TMEM91: variants seen among roughly 807,000 people sequenced by gnomAD.
The protein encoded by TMEM91 is transmembrane protein 91, also known as dispanin subfamily C member 3.
Under a neutral mutation model 13.3 loss-of-function variants are expected in TMEM91, and 6 were observed. The ratio of observed to expected loss-of-function variants is 0.45; its 90% CI spans 0.25 to 0.89. The LOEUF (loss-of-function observed/expected upper bound fraction) is 0.89. Ranked by LOEUF, TMEM91 falls within the 40% of genes least tolerant of loss-of-function variation. The probability of loss-of-function intolerance (pLI) is 0.19; values close to 1 mark genes in which losing one functional copy is unlikely to be tolerated. For missense variants in TMEM91, 193 were observed against 228.7 expected (o/e 0.84, Z 1.01); for synonymous variants, 87 against 101.7 (o/e 0.86, Z 0.87).
intron 2 of TMEM91, among the ~76,000 whole-genome samples, chr19:41,380,922 A>G (rs1436992212): frequency 1.3e-5 from 2 of 148,754 alleles, no homozygotes; most frequent in African/African-American, 2.5e-5. Context: ...TCAAAAAAAA[A>G]AAAAAAAAAA....
chr19:41,371,359 TTCC>T (rs2038616946), intron 1 of TMEM91, among the ~76,000 whole-genome samples: 1 of 147,762 alleles, frequency 6.8e-6, no homozygotes, highest in African/African-American at 2.5e-5. Flanking sequence ...CCTTCCTTCC[TTCC>T]TTCCTTCTTT....
At chr19:41,371,507 C>A (rs2038622996) in intron 1 of TMEM91, among the ~76,000 whole-genome samples, 1 of 151,706 alleles carries the variant, frequency 6.6e-6, no homozygotes, top group African/African-American at 2.4e-5. Flanking sequence ...GCAACCTCCA[C>A]CTCCTGGGTT....
rs1160229560 is a variant in TMEM91, at chr19:41,378,823, T to TGAGAGA, written c.210+329_210+334dup. ...CTGTCTCCCTCTTTGTGTGTGTGTG[T>TGAGAGA]GAGAGAGAGAGAGAGAGAGAGAGAG... On this transcript the variant is annotated intron_variant, in intron 2 of 3. Coordinates refer to ENST00000392002, the MANE Select transcript of TMEM91 (RefSeq NM_001098821.2). Among the ~76,000 whole-genome samples the TGAGAGA allele has an allele frequency of 1.0e-3, 46 of 44,658 alleles. 1 individual carries two copies. Among genetic ancestry groups the TGAGAGA allele is most frequent in the Admixed American group, 5.0e-3 (28 of 5,596 alleles). 29.3% of individuals were successfully genotyped at this position (44,658 alleles called of 152,430 possible).
chr19:41,369,506 T>TAAAA (rs569474645), intron 1 of TMEM91, among the ~76,000 whole-genome samples: 2 of 123,314 alleles, frequency 1.6e-5, no homozygotes, highest in Non-Finnish European at 1.6e-5. Context: ...ACTGCACCTC[T>TAAAA]AAAAAAAAAA....
At chr19:41,365,132 C>G (rs568875786) in intron 1 of TMEM91, among the ~76,000 whole-genome samples, 1 of 152,084 alleles carries the variant, frequency 6.6e-6, no homozygotes, top group African/African-American at 2.4e-5. Flanking sequence ...GCTATCCTCC[C>G]AGTTCTCCCT....
upstream of TMEM91, among the ~76,000 whole-genome samples, chr19:41,375,472 G>T (rs2038699133): frequency 1.3e-5 from 2 of 150,678 alleles, no homozygotes; most frequent in Admixed American, 1.3e-4. Context: ...TAGAGACAGG[G>T]TTTCACCGTG....
rs970155960 is a variant in TMEM91, at chr19:41,383,202, C to T, written c.360+281C>T. ...CTGAGTAGCTGGGATTAGAGGCGCGCGCTACCATGCCTGGCTAATTTTTGA... is the reference window on the plus strand; with the variant it reads ...CTGAGTAGCTGGGATTAGAGGCGCGTGCTACCATGCCTGGCTAATTTTTGA... On this transcript the variant is annotated intron_variant, in intron 3 of 3. Coordinates refer to ENST00000392002, the MANE Select transcript of TMEM91 (RefSeq NM_001098821.2). 54 of 463,584 alleles carry T rather than the reference C, an allele frequency of 1.2e-4. No individual in the cohort carries two copies. In the Admixed American group the frequency reaches 1.7e-3, roughly 14 times the overall value. The allele number at this position is 463,584 out of a possible 1,614,324, so 28.7% of individuals were successfully genotyped here. A position where few individuals can be genotyped will look rare whatever the true frequency, so the allele number is the denominator to read the frequency against.
At position 41,376,755 on chromosome 19, in the gene TMEM91, G is replaced by A. The variant is rs1217612946; in HGVS notation, c.-129G>A. 3.9e-5 allele frequency: 6 copies of A among 152,260 alleles called. No homozygotes were observed. Among genetic ancestry groups the A allele is most frequent in the Non-Finnish European group, 4.4e-5 (3 of 68,052 alleles). 9.4% of individuals were successfully genotyped at this position (152,260 alleles called of 1,614,324 possible). On this transcript the variant is annotated 5_prime_UTR_variant, in exon 1 of 4. Coordinates refer to ENST00000392002, the MANE Select transcript of TMEM91 (RefSeq NM_001098821.2). ...CCCGGGGCGCTGAGACCCGCGTAGA[G>A]CAAAGCGCAAGGTCCCAGCGCCCCT...
intron 2 of TMEM91, among the ~76,000 whole-genome samples, chr19:41,380,670 G>A (rs2038857861): frequency 6.6e-6 from 1 of 152,066 alleles, no homozygotes. Flanking sequence ...CAGCACTTTG[G>A]GAGGCTGAGA....
upstream of TMEM91, among the ~76,000 whole-genome samples, chr19:41,373,785 G>T (rs1369660182): frequency 6.7e-6 from 1 of 150,252 alleles, no homozygotes; most frequent in Non-Finnish European, 1.5e-5. Flanking sequence ...TTGGGAGGCT[G>T]AGGTGGGAGA....
intron 2 of TMEM91, among the ~76,000 whole-genome samples, chr19:41,381,234 A>C (rs928608726): frequency 2.6e-5 from 4 of 151,884 alleles, no homozygotes; most frequent in African/African-American, 9.7e-5. Flanking sequence ...TCCGTTGCTC[A>C]GGCTGGGGGG....
At chr19:41,375,273 CTTTTTTTT>C (rs906641411), upstream of TMEM91, among the ~76,000 whole-genome samples, 17 of 58,646 alleles carry the variant, frequency 2.9e-4, no homozygotes, top group Admixed American at 9.1e-4. Context: ...ATTTTCTTTT[CTTTTTTTT>C]TTTTTTTTTT....
At chr19:41,365,404 T>C (rs2038501982) in intron 1 of TMEM91, among the ~76,000 whole-genome samples, 1 of 152,116 alleles carries the variant, frequency 6.6e-6, no homozygotes, top group African/African-American at 2.4e-5. Flanking sequence ...CTCGTTATAA[T>C]TTTGGTTTTT....
chr19:41,369,070 G>C (rs1037951728), intron 1 of TMEM91, among the ~76,000 whole-genome samples: 2 of 152,128 alleles, frequency 1.3e-5, no homozygotes, highest in Non-Finnish European at 2.9e-5. Flanking sequence ...AGCTGTGATT[G>C]TGCCACTGCA....
Position 41,383,966 on chromosome 19 carries a change from C to T in TMEM91, c.*93C>T, listed in dbSNP as rs1260220332. Reference sequence around the variant, plus strand: ...AGAATCTTGGTGGATGAGGCTGCGGCGGCGGCAGGAGCATCTAGAAACGGG... The same window carrying T: ...AGAATCTTGGTGGATGAGGCTGCGGTGGCGGCAGGAGCATCTAGAAACGGG... On this transcript the variant is annotated 3_prime_UTR_variant, in exon 4 of 4. Coordinates refer to ENST00000392002, the MANE Select transcript of TMEM91 (RefSeq NM_001098821.2). The T allele has an allele frequency of 6.6e-6, 10 of 1,522,892 alleles. No individual in the cohort carries two copies. The highest frequency in any genetic ancestry group is 2.9e-5 in the African/African-American group (2 of 69,814). 94.3% of individuals were successfully genotyped at this position (1,522,892 alleles called of 1,614,324 possible). A position where few individuals can be genotyped will look rare whatever the true frequency, so the allele number is the denominator to read the frequency against.
Position 41,365,682 on chromosome 19 carries a change from G to A in TMEM91, c.-30+1587G>A, listed in dbSNP as rs186579480. On this transcript the variant is annotated intron_variant, in intron 1 of 3. Coordinates refer to the TMEM91 transcript ENST00000413014. ...AGCCTCCCAAAGTGCTGGGATTACA[G>A]GCGTTAGCCACCGTGACCGGCCGGG... is the stretch of plus-strand genomic sequence containing the variant. Among the ~76,000 whole-genome samples, 273 of 148,088 alleles carry A rather than the reference G, an allele frequency of 1.8e-3. 3 individuals carry two copies. The highest frequency in any genetic ancestry group is 6.4e-3 in the African/African-American group (257 of 40,070).
intron 1 of TMEM91, among the ~76,000 whole-genome samples, chr19:41,370,328 C>T (rs564966801): frequency 6.6e-5 from 10 of 152,060 alleles, no homozygotes; most frequent in African/African-American, 2.2e-4. Context: ...CTGCCTGCTT[C>T]GGCCTCTCAA....
chr19:41,379,005 G>A (rs2038802796), intron 2 of TMEM91, among the ~76,000 whole-genome samples: 1 of 151,618 alleles, frequency 6.6e-6, no homozygotes, highest in Non-Finnish European at 1.5e-5. Context: ...CTAATTTTTT[G>A]GTGTTTTTTG....
intron 1 of TMEM91, among the ~76,000 whole-genome samples, chr19:41,364,867 C>G (rs1340876334): frequency 6.6e-6 from 1 of 151,740 alleles, no homozygotes; most frequent in African/African-American, 2.4e-5. Context: ...CACATCAAGC[C>G]AGTCATCAGG....
Sources: allele counts gnomAD v4.1 joint callset (sites outside exome capture counted in the v4.1 genomes callset), GRCh38; gene constraint gnomAD v4.1.1; transcripts MANE v1.5; gene names NCBI Gene and HGNC (gene_info 2026-07-23, HGNC 2026-07-21).